Variants in TENM3 observed in about 807,000 individuals in gnomAD.
TENM3 encodes the protein teneurin-3.
TENM3 carries 63 observed loss-of-function variants against 255.1 expected under a neutral mutation model. That is an observed-to-expected ratio of 0.25 (90% CI 0.20 to 0.30). The LOEUF (loss-of-function observed/expected upper bound fraction) is 0.30, where lower values mean the gene tolerates loss of function less well. Ranked by LOEUF, TENM3 falls within the 10% of genes least tolerant of loss-of-function variation. The pLI, the probability that TENM3 is intolerant of heterozygous loss-of-function variation, is 1.00. For synonymous variants in TENM3, 1,306 were observed against 1,322.3 expected (o/e 0.99, Z 0.27); for missense variants, 2,929 against 3,461.1 (o/e 0.85, Z 3.86).
the TENM3 span, among the ~76,000 whole-genome samples, chr4:181,900,196 A>T: frequency 6.6e-6 from 1 of 152,152 alleles, no homozygotes; most frequent in Non-Finnish European, 1.5e-5. Flanking sequence ...TGCCAATGCC[A>T]AAAATATTTT....
chr4:181,778,229 G>A, the TENM3 span, among the ~76,000 whole-genome samples: 1 of 151,572 alleles, frequency 6.6e-6, no homozygotes, highest in Non-Finnish European at 1.5e-5. Flanking sequence ...TACCTCCGCA[G>A]CAAAAAAAGG....
At chr4:182,244,971 A>G (rs1307389901) in intron 1 of TENM3, among the ~76,000 whole-genome samples, 1 of 152,216 alleles carries the variant, frequency 6.6e-6, no homozygotes, top group East Asian at 1.9e-4. Flanking sequence ...TGTAATGTCT[A>G]CATTCCATAA....
At chr4:182,052,146 T>C in the TENM3 span, among the ~76,000 whole-genome samples, 1 of 152,002 alleles carries the variant, frequency 6.6e-6, no homozygotes, top group African/African-American at 2.4e-5. Context: ...AAAATGCTGG[T>C]CTAGGTTATA....
the TENM3 span, among the ~76,000 whole-genome samples, chr4:181,935,943 A>G: frequency 6.6e-6 from 1 of 152,126 alleles, no homozygotes; most frequent in African/African-American, 2.4e-5. Context: ...CATGTATCCT[A>G]TTTACCTCAT....
At chr4:181,987,759 G>A in the TENM3 span, among the ~76,000 whole-genome samples, 1 of 151,990 alleles carries the variant, frequency 6.6e-6, no homozygotes, top group Non-Finnish European at 1.5e-5. Flanking sequence ...ACTCAGTGCT[G>A]AACAAAAATT....
At chr4:181,455,884 A>G in the TENM3 span, among the ~76,000 whole-genome samples, 1 of 151,996 alleles carries the variant, frequency 6.6e-6, no homozygotes, top group African/African-American at 2.4e-5. Flanking sequence ...AATAGAAATC[A>G]GCTATATTAA....
chr4:182,475,745 G>GA (rs980872321), intron 3 of TENM3, among the ~76,000 whole-genome samples: 29 of 152,252 alleles, frequency 1.9e-4, no homozygotes, highest in Admixed American at 7.8e-4. Context: ...TAATTCATCA[G>GA]ACATTTTACC....
At chr4:181,548,732 T>C in the TENM3 span, among the ~76,000 whole-genome samples, 1 of 152,028 alleles carries the variant, frequency 6.6e-6, no homozygotes. Context: ...ACGTGACAAT[T>C]TTGAAATGGG....
At chr4:182,066,100 T>A in the TENM3 span, among the ~76,000 whole-genome samples, 2 of 152,214 alleles carry the variant, frequency 1.3e-5, no homozygotes, top group East Asian at 3.9e-4. Context: ...CAACTAGTTT[T>A]ACGTTCCCAC....
At chr4:181,527,640 T>A in the TENM3 span, among the ~76,000 whole-genome samples, 2 of 150,906 alleles carry the variant, frequency 1.3e-5, no homozygotes, top group Non-Finnish European at 1.5e-5. Flanking sequence ...TTTTTTTTTT[T>A]AATATAAAAG....
chr4:182,534,315 C>T (rs1385602379), intron 3 of TENM3, among the ~76,000 whole-genome samples: 1 of 152,124 alleles, frequency 6.6e-6, no homozygotes, highest in Non-Finnish European at 1.5e-5. Context: ...TAGGAGTCAT[C>T]TGGCTATTTG....
At chr4:182,228,115 A>G (rs1756300134) in intron 1 of TENM3, among the ~76,000 whole-genome samples, 1 of 152,052 alleles carries the variant, frequency 6.6e-6, no homozygotes, top group Non-Finnish European at 1.5e-5. Flanking sequence ...GTCTAAGGAT[A>G]CAAAGTAGCA....
intron 19 of TENM3, among the ~76,000 whole-genome samples, chr4:182,750,651 T>G (rs1453298930): frequency 6.6e-6 from 1 of 152,152 alleles, no homozygotes; most frequent in Non-Finnish European, 1.5e-5. Context: ...TATAAATATT[T>G]TAGATGTTCA....
chr4:182,448,974 C>G, intron 3 of TENM3: 1 of 396,142 alleles, frequency 2.5e-6, no homozygotes, highest in African/African-American at 2.2e-5. Flanking sequence ...CCGCCGCGCG[C>G]AGCCCGAGCC....
chr4:181,962,150 T>C, the TENM3 span, among the ~76,000 whole-genome samples: 1 of 152,310 alleles, frequency 6.6e-6, no homozygotes, highest in African/African-American at 2.4e-5. Context: ...TAACATAAAT[T>C]AGACATAAGC....
At chr4:181,459,410 T>C in the TENM3 span, among the ~76,000 whole-genome samples, 1 of 151,934 alleles carries the variant, frequency 6.6e-6, no homozygotes, top group Non-Finnish European at 1.5e-5. Flanking sequence ...TGGTAACTTA[T>C]GTAAGAAATC....
chr4:181,694,550 T>G, the TENM3 span, among the ~76,000 whole-genome samples: 1 of 152,238 alleles, frequency 6.6e-6, no homozygotes, highest in African/African-American at 2.4e-5. Flanking sequence ...CTCTCTGAAC[T>G]ACAGTGCACT....
At chr4:182,415,923 C>A (rs983471009) in intron 3 of TENM3, among the ~76,000 whole-genome samples, 1 of 150,532 alleles carries the variant, frequency 6.6e-6, no homozygotes, top group Non-Finnish European at 1.5e-5. Context: ...TGTATATCAT[C>A]ATCCTGAGAC....
chr4:182,750,821 A>G (rs1252944417), intron 19 of TENM3, among the ~76,000 whole-genome samples: 1 of 152,114 alleles, frequency 6.6e-6, no homozygotes, highest in Non-Finnish European at 1.5e-5. Context: ...CATCATGTTG[A>G]CGTCTTGGTT....
Sources: gnomAD v4.1 joint callset for allele counts (sites outside exome capture counted in the v4.1 genomes callset) on GRCh38, gnomAD v4.1.1 for gene constraint, MANE v1.5 for transcripts, NCBI Gene and HGNC (gene_info 2026-07-23, HGNC 2026-07-21) for gene names.